The following PRKN variants were observed in gnomAD, a reference collection of about 807,000 sequenced individuals.
The protein encoded by PRKN is E3 ubiquitin-protein ligase parkin.
PRKN carries 56 observed loss-of-function variants against 59.5 expected under a neutral mutation model. The ratio of observed to expected loss-of-function variants is 0.94; its 90% confidence interval spans 0.76 to 1.18. The LOEUF (loss-of-function observed/expected upper bound fraction) is 1.18, where lower values mean the gene tolerates loss of function less well. Ranked by LOEUF, PRKN falls within the 50% of genes most tolerant of loss-of-function variation. The probability of loss-of-function intolerance (pLI) is 0.00; values close to 1 mark genes in which losing one functional copy is unlikely to be tolerated. For missense variants in PRKN, 657 were observed against 596.4 expected (o/e 1.10, Z -1.06); for synonymous variants, 250 against 222.1 (o/e 1.13, Z -1.12).
rs1194489412 is a variant in PRKN, at chr6:161,423,471, T to C, written c.1084-36594A>G. ...CGTATTCATGCATGAAGAACACACA[T>C]TTGAACAGGGGCATAGGCAGTGTTT... On this transcript the variant is annotated intron_variant, in intron 9 of 11. Coordinates refer to ENST00000366898, the MANE Select transcript of PRKN (RefSeq NM_004562.3). The surrounding 1 kb of genome is among the most constrained non-coding windows in gnomAD (Gnocchi z 5.9). Among the ~76,000 whole-genome samples, 1 of 152,176 alleles carries C rather than the reference T, an allele frequency of 6.6e-6. No homozygotes were observed. The highest frequency in any genetic ancestry group is 2.4e-5 in the African/African-American group (1 of 41,440).
In PRKN at chr6:161,442,577, G is replaced by T. The variant is rs1789286527; in HGVS notation, c.1084-55700C>A. 6.6e-6 allele frequency among the ~76,000 whole-genome samples: 1 copy of T among 152,208 alleles called. No homozygotes were observed. The highest frequency in any genetic ancestry group is 1.5e-5 in the Non-Finnish European group (1 of 68,038). On this transcript the variant is annotated intron_variant, in intron 9 of 11. Coordinates refer to ENST00000366898, the MANE Select transcript of PRKN (RefSeq NM_004562.3). This position sits in a 1 kb window ranked among gnomAD's most constrained non-coding sequence, Gnocchi z 4.6. ...CCGTTCCGCACCACCAAGCGGAAGG[G>T]CAGCACTGCTTGTATCTAAGGTGGC...
intron 1 of PRKN, among the ~76,000 whole-genome samples, chr6:162,497,309 A>C (rs1305242501): frequency 6.6e-6 from 1 of 152,232 alleles, no homozygotes; most frequent in Non-Finnish European, 1.5e-5. Flanking sequence ...AAATTATTTT[A>C]AGTAACTAAA....
intron 2 of PRKN, among the ~76,000 whole-genome samples, chr6:162,379,400 C>T (rs1355249822): frequency 6.6e-6 from 1 of 152,134 alleles, no homozygotes; most frequent in African/African-American, 2.4e-5. Context: ...ACATTTTCTA[C>T]TTTTTGTGGG....
At chr6:162,087,746 A>C (rs796801452) in intron 4 of PRKN, among the ~76,000 whole-genome samples, 3 of 151,938 alleles carry the variant, frequency 2.0e-5, no homozygotes, top group African/African-American at 7.2e-5. Flanking sequence ...GGCACACGCC[A>C]CCACGCCCAG....
intron 4 of PRKN, among the ~76,000 whole-genome samples, chr6:162,108,409 T>C (rs1294978833): frequency 1.3e-5 from 2 of 152,232 alleles, no homozygotes; most frequent in Admixed American, 1.3e-4. Flanking sequence ...ACTATAATTA[T>C]GCATATTTCA....
intron 1 of PRKN, among the ~76,000 whole-genome samples, chr6:162,692,849 T>C (rs1373839601): frequency 2.0e-5 from 3 of 152,190 alleles, no homozygotes; most frequent in Admixed American, 6.6e-5. Flanking sequence ...TATGAGTCCT[T>C]TCAGCAAATC....
At chr6:161,750,536 G>A (rs1788645590) in intron 7 of PRKN, among the ~76,000 whole-genome samples, 2 of 152,136 alleles carry the variant, frequency 1.3e-5, no homozygotes, top group South Asian at 4.2e-4. Context: ...GGGAGGCCGA[G>A]GCGGGTGGAT....
chr6:162,024,442 C>T (rs558354137), intron 5 of PRKN, among the ~76,000 whole-genome samples: 11 of 152,238 alleles, frequency 7.2e-5, no homozygotes, highest in South Asian at 2.1e-4. Flanking sequence ...GGTGATCCAC[C>T]GGCCTCGGCC....
chr6:162,311,972 T>C (rs906805368), intron 2 of PRKN, among the ~76,000 whole-genome samples: 6 of 152,028 alleles, frequency 3.9e-5, no homozygotes, highest in Admixed American at 2.6e-4. Context: ...AGACGCTTGA[T>C]CACACACACG....
intron 1 of PRKN, among the ~76,000 whole-genome samples, chr6:162,495,598 T>C (rs900741181): frequency 2.0e-5 from 3 of 152,188 alleles, no homozygotes; most frequent in Admixed American, 6.5e-5. Flanking sequence ...AAGCCAGATC[T>C]CAGTGTGATA....
intron 1 of PRKN, among the ~76,000 whole-genome samples, chr6:162,709,598 A>G (rs1039964271): frequency 7.2e-5 from 11 of 152,182 alleles, no homozygotes; most frequent in African/African-American, 2.7e-4. Context: ...TGATGCCAAT[A>G]TGCTGGTGCT....
chr6:161,672,064 G>C (rs1784929554), intron 7 of PRKN, among the ~76,000 whole-genome samples: 1 of 152,146 alleles, frequency 6.6e-6, no homozygotes, highest in Admixed American at 6.5e-5. Context: ...GCCAAGCTGA[G>C]TTCAACTTTC....
At chr6:161,867,740 C>CTTTTATTTATTTATTT (rs1554236154) in intron 6 of PRKN, among the ~76,000 whole-genome samples, 3 of 137,536 alleles carry the variant, frequency 2.2e-5, no homozygotes, top group Non-Finnish European at 4.6e-5. Context: ...AAAAATCTTT[C>CTTTTATTTATTTATTT]ATTTATTTAT....
chr6:162,089,652 G>A (rs903542416), intron 4 of PRKN, among the ~76,000 whole-genome samples: 2 of 152,172 alleles, frequency 1.3e-5, no homozygotes, highest in Non-Finnish European at 2.9e-5. Flanking sequence ...CCCATCAATT[G>A]ATGAATACAT....
intron 4 of PRKN, among the ~76,000 whole-genome samples, chr6:162,154,524 G>GA (rs5881452): frequency 0.083 from 11,858 of 143,094 alleles, 561 homozygotes; most frequent in African/African-American, 0.12. Flanking sequence ...TACAAAAGGA[G>GA]AAAAAAAAAA....
intron 2 of PRKN, among the ~76,000 whole-genome samples, chr6:162,293,951 T>C (rs1460091465): frequency 6.6e-6 from 1 of 152,102 alleles, no homozygotes; most frequent in Non-Finnish European, 1.5e-5. Context: ...GTGCTGGGAT[T>C]ACAGGCATGA....
intron 7 of PRKN, among the ~76,000 whole-genome samples, chr6:161,701,589 T>C (rs569207787): frequency 3.9e-5 from 6 of 152,278 alleles, no homozygotes; most frequent in Admixed American, 3.9e-4. Flanking sequence ...CATTGAACCA[T>C]ATTCTTTTCA....
intron 1 of PRKN, among the ~76,000 whole-genome samples, chr6:162,494,960 G>A (rs1488637257): frequency 6.6e-6 from 1 of 152,146 alleles, no homozygotes; most frequent in Non-Finnish European, 1.5e-5. Context: ...GGAAATGATG[G>A]CGAAGCCAAA....
At chr6:162,329,115 C>A (rs1204061746) in intron 2 of PRKN, among the ~76,000 whole-genome samples, 1 of 152,180 alleles carries the variant, frequency 6.6e-6, no homozygotes, top group Non-Finnish European at 1.5e-5. Flanking sequence ...ATGGCTAACT[C>A]TTTTATTGTA....
Sources: allele counts gnomAD v4.1 joint callset (sites outside exome capture counted in the v4.1 genomes callset), GRCh38; gene constraint gnomAD v4.1.1; non-coding constraint Gnocchi (gnomAD v3.1); transcripts MANE v1.5; gene names NCBI Gene and HGNC (gene_info 2026-07-23, HGNC 2026-07-21).